BID: variants seen among roughly 807,000 people sequenced by gnomAD.
BID encodes BH3-interacting domain death agonist.
BID carries 19 observed loss-of-function variants against 17.4 expected under a neutral mutation model. That is an observed-to-expected ratio of 1.09 (90% CI 0.76 to 1.60). BID has a LOEUF of 1.60. BID is among the 40% of genes most tolerant of loss of function. BID has a pLI of 0.00. For missense variants in BID, 226 were observed against 256.0 expected (o/e 0.88, Z 0.80); for synonymous variants, 108 against 102.8 (o/e 1.05, Z -0.31).
At chr22:17,740,329 T>A in intron 3 of BID, 2 of 683,776 alleles carry the variant, frequency 2.9e-6, no homozygotes, top group Non-Finnish European at 2.6e-6. Flanking sequence ...ATCCCAGTGC[T>A]TTGGGAGGCT....
intron 1 of BID, among the ~76,000 whole-genome samples, chr22:17,759,243 A>AAACAAAAAAAAAC (rs2061617204): frequency 8.6e-6 from 1 of 115,798 alleles, no homozygotes; most frequent in African/African-American, 3.9e-5. Context: ...ACAAAAAACA[A>AAACAAAAAAAAAC]AACAAAAAAA....
At chr22:17,750,248 G>T in intron 1 of BID, 74 bp from the exon 2 acceptor site, 2 of 1,267,824 alleles carry the variant, frequency 1.6e-6, no homozygotes, top group South Asian at 1.3e-5. Flanking sequence ...GGACGACGAA[G>T]CTGGCCTGTG....
chr22:17,738,807 T>C (rs1248891907), intron 4 of BID, among the ~76,000 whole-genome samples: 1 of 152,108 alleles, frequency 6.6e-6, no homozygotes, highest in African/African-American at 2.4e-5. Context: ...GTCGAAAAAG[T>C]GGAACTTTCT....
At chr22:17,760,988 T>C (rs1037657915) in intron 1 of BID, among the ~76,000 whole-genome samples, 7 of 152,226 alleles carry the variant, frequency 4.6e-5, no homozygotes. Context: ...CTGAATTATT[T>C]CCATGAATAA....
intron 1 of BID, among the ~76,000 whole-genome samples, chr22:17,765,971 C>G (rs775890239): frequency 6.6e-5 from 10 of 152,348 alleles, no homozygotes; most frequent in Non-Finnish European, 1.5e-4. Flanking sequence ...CTCTGTTCCG[C>G]AGGCCGGACT....
At chr22:17,736,482 C>CAA (rs2061420759) in intron 5 of BID, among the ~76,000 whole-genome samples, 1 of 150,138 alleles carries the variant, frequency 6.7e-6, no homozygotes, top group African/African-American at 2.5e-5. Flanking sequence ...AAAAAATTCC[C>CAA]AAACATTCGC....
chr22:17,761,685 C>T (rs946978853), intron 1 of BID, among the ~76,000 whole-genome samples: 7 of 152,142 alleles, frequency 4.6e-5, no homozygotes, highest in South Asian at 4.1e-4. Flanking sequence ...CCACCCGCCT[C>T]GGCCTCCCAA....
Position 17,735,321 on chromosome 22 carries a change from A to T in BID, c.*259T>A. ...AAAGGCACCGTGTGTAGATTTACAG[A>T]TGTGCAGATTCATGTGTGGATGATA... is the stretch of plus-strand genomic sequence containing the variant. On this transcript the variant is annotated 3_prime_UTR_variant, in exon 6 of 6. Coordinates refer to ENST00000622694, the MANE Select transcript of BID (RefSeq NM_001196.4). 1.2e-4 allele frequency: 57 copies of T among 476,074 alleles called. No individual in the cohort carries two copies. Among genetic ancestry groups the T allele is most frequent in the South Asian group, 4.1e-4 (13 of 31,494 alleles). 29.5% of individuals were successfully genotyped at this position (476,074 alleles called of 1,614,324 possible).
At chr22:17,766,840 T>A (rs189568929) in intron 1 of BID, among the ~76,000 whole-genome samples, 34 of 152,008 alleles carry the variant, frequency 2.2e-4, no homozygotes, top group African/African-American at 8.2e-4. Context: ...TCTGCCTGCC[T>A]CAGCCTCCCA....
intron 1 of BID, among the ~76,000 whole-genome samples, chr22:17,760,509 C>T (rs1228659084): frequency 1.4e-5 from 2 of 147,480 alleles, no homozygotes; most frequent in Non-Finnish European, 3.0e-5. Flanking sequence ...GCAGAGCCTA[C>T]TAAATCATCA....
At chr22:17,771,923 G>A (rs998824926) in intron 1 of BID, among the ~76,000 whole-genome samples, 3 of 152,200 alleles carry the variant, frequency 2.0e-5, no homozygotes, top group Non-Finnish European at 4.4e-5. Context: ...ACAGGGGAGC[G>A]AGGCCACAGA....
chr22:17,740,326 T>A, intron 3 of BID: 2 of 695,350 alleles, frequency 2.9e-6, no homozygotes, highest in Non-Finnish European at 5.0e-6. Flanking sequence ...GTAATCCCAG[T>A]GCTTTGGGAG....
intron 2 of BID, among the ~76,000 whole-genome samples, chr22:17,747,193 C>T (rs1421970748): frequency 6.6e-6 from 1 of 152,202 alleles, no homozygotes; most frequent in African/African-American, 2.4e-5. Context: ...CTGTCTGGAC[C>T]AGTGCCTCAG....
At chr22:17,746,158 G>A (rs1167223951) in intron 2 of BID, among the ~76,000 whole-genome samples, 1 of 151,862 alleles carries the variant, frequency 6.6e-6, no homozygotes, top group Non-Finnish European at 1.5e-5. Flanking sequence ...CTTATAAGTG[G>A]GAGCTAAACA....
At chr22:17,751,343 C>T (rs2061538097) in intron 1 of BID, among the ~76,000 whole-genome samples, 1 of 148,706 alleles carries the variant, frequency 6.7e-6, no homozygotes, top group South Asian at 2.1e-4. Context: ...CTGCAGTCCG[C>T]AGTCCGACCT....
At chr22:17,761,429 CTTTT>C (rs57001710) in intron 1 of BID, among the ~76,000 whole-genome samples, 7 of 106,314 alleles carry the variant, frequency 6.6e-5, no homozygotes, top group Admixed American at 9.9e-5. Context: ...TAATCTTTCA[CTTTT>C]TTTTTTTTTT....
chr22:17,766,042 C>G (rs115314135), intron 1 of BID, among the ~76,000 whole-genome samples: 1,706 of 152,278 alleles, frequency 0.011, 27 homozygotes, highest in African/African-American at 0.039. Context: ...GATCCTCCCC[C>G]CTCAGCCTCC....
intron 1 of BID, 110 bp from the exon 2 acceptor site, chr22:17,750,284 G>A: frequency 1.1e-6 from 1 of 913,566 alleles, no homozygotes; most frequent in Non-Finnish European, 1.7e-6. Context: ...CTGAGCCGAG[G>A]TCCTGGCCTG....
rs8190331 is a variant in BID, at chr22:17,739,506, C to T, written c.224-18G>A. ...TTCAGAATCTGTGTTCAGGCAGGGG[C>T]GGCAGAGACAGAGCAGACTCAGAAA... is the stretch of plus-strand genomic sequence containing the variant. On this transcript the variant is annotated intron_variant, in intron 3 of 5. Transcript: ENST00000622694. The T allele has an allele frequency of 3.8e-5, 61 of 1,605,152 alleles. No individual in the cohort carries two copies. The highest frequency in any genetic ancestry group is 2.3e-4 in the African/African-American group (17 of 74,862).
Sources: gnomAD v4.1 joint callset for allele counts (sites outside exome capture counted in the v4.1 genomes callset) on GRCh38, gnomAD v4.1.1 for gene constraint, MANE v1.5 for transcripts, NCBI Gene and HGNC (gene_info 2026-07-23, HGNC 2026-07-21) for gene names.